CARMIL3: variants seen among roughly 807,000 people sequenced by gnomAD.
CARMIL3 encodes capping protein, Arp2/3 and myosin-I linker protein 3.
Under a neutral mutation model 180.8 loss-of-function variants are expected in CARMIL3, and 88 were observed. That is an observed-to-expected ratio of 0.49 (90% CI 0.41 to 0.58). The LOEUF is 0.58. CARMIL3 is among the 20% of genes least tolerant of loss of function. The pLI is 0.00. For synonymous variants in CARMIL3, 696 were observed against 714.5 expected (o/e 0.97, Z 0.41); for missense variants, 1,548 against 1,787.0 (o/e 0.87, Z 2.41).
chr14:24,053,879 G>A, intron 2 of CARMIL3, 76 bp downstream of exon 2: 1 of 1,336,282 alleles, frequency 7.5e-7, no homozygotes, highest in South Asian at 1.3e-5. Context: ...AGGGAGCCGG[G>A]AGGACAGAAG....
At chr14:24,068,326 G>A (rs1293285410) in intron 36 of CARMIL3, among the ~76,000 whole-genome samples, 2 of 151,824 alleles carry the variant, frequency 1.3e-5, no homozygotes, top group Non-Finnish European at 2.9e-5. Context: ...AAACCCGAGA[G>A]GTGGAGGTTG....
chr14:24,056,575 C>T (rs1214741445), intron 11 of CARMIL3, 47 bp from the exon 12 acceptor site: 1 of 1,597,246 alleles, frequency 6.3e-7, no homozygotes, highest in Non-Finnish European at 8.6e-7. Flanking sequence ...CCACCTGCAC[C>T]CACTGCCCTG....
Position 24,061,362 on chromosome 14 carries a change from A to G in CARMIL3, c.2305-135A>G. On this transcript the variant is annotated intron_variant, in intron 26 of 39. Transcript: ENST00000342740. This position sits in a 1 kb window ranked among gnomAD's most constrained non-coding sequence, Gnocchi z 4.1. ...AAGCCTTAGTGTCCAAGGCTCTGCC[A>G]CTAACAGTTTTGTGACTTAGGCAGG... The G allele has an allele frequency of 1.1e-6, 1 of 895,774 alleles. No homozygotes were observed. Among genetic ancestry groups the G allele is most frequent in the East Asian group, 2.7e-5 (1 of 37,642 alleles). The allele number at this position is 895,774 out of a possible 1,614,324, so 55.5% of individuals were successfully genotyped here.
In CARMIL3 at chr14:24,055,694, T is replaced by C. The variant is rs2035664957; in HGVS notation, c.682-7T>C. 1 of 1,613,912 alleles carries C rather than the reference T, an allele frequency of 6.2e-7. No individual in the cohort carries two copies. The highest frequency in any genetic ancestry group is 1.1e-5 in the South Asian group (1 of 91,080). Reference sequence around the variant, plus strand: ...CCCCTGATCACAAGACCCCCCTCTGTCCTCAGGGCTCTGAAGTGCTAGAAC... The same window carrying C: ...CCCCTGATCACAAGACCCCCCTCTGCCCTCAGGGCTCTGAAGTGCTAGAAC... On this transcript the variant is annotated splice_polypyrimidine_tract_variant and splice_region_variant and intron_variant, in intron 9 of 39. Coordinates refer to ENST00000342740, the MANE Select transcript of CARMIL3 (RefSeq NM_138360.4).
Position 24,065,448 on chromosome 14 carries a change from T to C in CARMIL3, c.3397-174T>C, listed in dbSNP as rs1337855152. 2.6e-5 allele frequency: 28 copies of C among 1,068,010 alleles called. No homozygotes were observed. The South Asian group carries it at 3.4e-4, about 13-fold the overall frequency. The allele number at this position is 1,068,010 out of a possible 1,614,324, so 66.2% of individuals were successfully genotyped here. A position where few individuals can be genotyped will look rare whatever the true frequency, so the allele number is the denominator to read the frequency against. ...GACTAAGACCCAGTGGCCAAGAGCATGCTGGGAGTGCTATATGCGAATGCA... is the reference window on the plus strand; with the variant it reads ...GACTAAGACCCAGTGGCCAAGAGCACGCTGGGAGTGCTATATGCGAATGCA... On this transcript the variant is annotated intron_variant, in intron 33 of 39. Transcript: ENST00000342740.
In CARMIL3 at chr14:24,065,207, A is replaced by AGAG. The variant is rs764435774; in HGVS notation, c.3337_3339dup (p.Glu1113dup). On this transcript the variant is annotated inframe_insertion, in exon 33 of 40. Coordinates refer to ENST00000342740, the MANE Select transcript of CARMIL3 (RefSeq NM_138360.4). ...ATAACTCCTCTCCCTGCTGGAGCCC[A>AGAG]GAGGAGGAGAGCAGCCTCCTCCCTG... 1 of 1,515,598 alleles carries AGAG rather than the reference A, an allele frequency of 6.6e-7. No homozygotes were observed. Among genetic ancestry groups the AGAG allele is most frequent in the South Asian group, 1.3e-5 (1 of 79,114 alleles). The allele number at this position is 1,515,598 out of a possible 1,614,324, so 93.9% of individuals were successfully genotyped here.
chr14:24,053,867 G>A, intron 2 of CARMIL3, 64 bp downstream of exon 2: 4 of 1,433,710 alleles, frequency 2.8e-6, no homozygotes, highest in Non-Finnish European at 3.8e-6. Context: ...CCAGTAGAGG[G>A]CAGGGAGCCG....
Position 24,054,391 on chromosome 14 carries a change from C to A in CARMIL3, c.247-5C>A. 1 of 1,613,520 alleles carries A rather than the reference C, an allele frequency of 6.2e-7. No homozygotes were observed. The highest frequency in any genetic ancestry group is 2.2e-5 in the East Asian group (1 of 44,868). On this transcript the variant is annotated splice_polypyrimidine_tract_variant and splice_region_variant and intron_variant, in intron 4 of 39. Transcript: ENST00000342740. The surrounding 1 kb of genome is among the most constrained non-coding windows in gnomAD (Gnocchi z 5.1). ...TCTGAGGCTCTGACGCTTCGTCTCCCCCAGATCCTGGTGGAGACGGAGCGT... is the reference window on the plus strand; with the variant it reads ...TCTGAGGCTCTGACGCTTCGTCTCCACCAGATCCTGGTGGAGACGGAGCGT...
chr14:24,059,491 A>C lies in CARMIL3; in HGVS notation c.1799+49A>C. 1 of 1,540,400 alleles carries C rather than the reference A, an allele frequency of 6.5e-7. No individual in the cohort carries two copies. Among genetic ancestry groups the C allele is most frequent in the Non-Finnish European group, 8.8e-7 (1 of 1,139,386 alleles). ...TGACCTGGAGCCCCAGCCCCTCCCC[A>C]TATGTACATAATCTCCCTGCTTTCC... On this transcript the variant is annotated intron_variant, in intron 21 of 39. Coordinates refer to ENST00000342740, the MANE Select transcript of CARMIL3 (RefSeq NM_138360.4). This position sits in a 1 kb window ranked among gnomAD's most constrained non-coding sequence, Gnocchi z 6.3.
rs8013151 is a variant in CARMIL3 at position 24,055,224 on chromosome 14, C to A, written c.532-13C>A. 2,137 of 1,613,992 alleles carry A rather than the reference C, an allele frequency of 1.3e-3. 29 individuals are homozygous for A. The African/African-American group carries it at 0.025, about 19-fold the overall frequency. On this transcript the variant is annotated splice_polypyrimidine_tract_variant and intron_variant, in intron 7 of 39. Transcript: ENST00000342740. ...AGTGGGGAGCAGGTGTGAGCCAGTT[C>A]CACCTCTCCAAGGATGTGGACACCA...
In CARMIL3 at chr14:24,066,656, G is replaced by A; in HGVS notation, c.3682G>A (p.Ala1228Thr). The A allele has an allele frequency of 6.2e-7, 1 of 1,613,714 alleles. No homozygotes were observed. Among genetic ancestry groups the A allele is most frequent in the Non-Finnish European group, 8.5e-7 (1 of 1,179,670 alleles). Residue 1228 changes from alanine (A) to threonine (T), a missense_variant and splice_region_variant, in exon 36 of 40, where the codon GCT becomes ACT. Coordinates refer to ENST00000342740, the MANE Select transcript of CARMIL3 (RefSeq NM_138360.4). ...MRRAEATWHI[A>T]EESAPNHSCQ... ...CAGAGCAGAGGCCACATGGCACATA[G>A]GTATGGAAAGCCTCTTTTCAGGCAG...
rs749036363 is a variant in CARMIL3 at position 24,058,060 on chromosome 14, C to G, written c.1318C>G (p.Leu440Val). 1.2e-6 allele frequency: 2 copies of G among 1,613,852 alleles called. No homozygotes were observed. The highest frequency in any genetic ancestry group is 3.3e-5 in the Admixed American group (2 of 60,036). The change falls in exon 16 of 40, where the codon CTC becomes GTC. Residue 440 changes from leucine to valine, a missense_variant. Coordinates refer to ENST00000342740, the MANE Select transcript of CARMIL3 (RefSeq NM_138360.4). This position sits in a 1 kb window ranked among gnomAD's most constrained non-coding sequence, Gnocchi z 6.4. ...GGCCACAAAGCTGCCCCTGGAGGCC[C>G]TCAGGTCGGGTGGGTGCAGGGTTGG... is the stretch of plus-strand genomic sequence containing the variant. ...LSATKLPLEA[L>V]RALLQGLSLN...
intron 25 of CARMIL3, 31 bp downstream of exon 25, chr14:24,060,787 A>G: frequency 6.2e-7 from 1 of 1,606,414 alleles, no homozygotes; most frequent in Non-Finnish European, 8.5e-7. Flanking sequence ...CCTTCCCCTG[A>G]AGTCTGGAGA....
At chr14:24,068,312 G>A (rs930677566) in intron 36 of CARMIL3, among the ~76,000 whole-genome samples, 3 of 150,974 alleles carry the variant, frequency 2.0e-5, no homozygotes, top group Non-Finnish European at 4.4e-5. Context: ...CAGGAGAATC[G>A]CTCAAACCCG....
intron 32 of CARMIL3, among the ~76,000 whole-genome samples, chr14:24,064,652 C>CT (rs2035766872): frequency 1.6e-5 from 2 of 122,286 alleles, no homozygotes; most frequent in African/African-American, 2.5e-5. Context: ...GGTGAGAGGC[C>CT]CGGGGGGTAG....
At position 24,058,754 on chromosome 14, in the gene CARMIL3, A is replaced by C. The variant is rs1025414388; in HGVS notation, c.1467A>C (p.Ser489=). 1 of 1,614,096 alleles carries C rather than the reference A, an allele frequency of 6.2e-7. No individual in the cohort carries two copies. Among genetic ancestry groups the C allele is most frequent in the Admixed American group, 1.7e-5 (1 of 60,030 alleles). Residue 489 remains serine (S), a synonymous_variant, in exon 18 of 40, where the codon TCA becomes TCC. Coordinates refer to ENST00000342740, the MANE Select transcript of CARMIL3 (RefSeq NM_138360.4). The surrounding 1 kb of genome is among the most constrained non-coding windows in gnomAD (Gnocchi z 6.4). ...AVTCVGSLDL[S]DNGFDSDLLT... is the part of the protein sequence containing the mutation. ...CCTGTGTAGGCAGCCTGGATCTGTCAGACAATGGTGAGTAGTGGTTCCTCC... is the reference window on the plus strand; with the variant it reads ...CCTGTGTAGGCAGCCTGGATCTGTCCGACAATGGTGAGTAGTGGTTCCTCC...
Position 24,068,692 on chromosome 14 carries a change from G to T in CARMIL3, c.3791G>T (p.Arg1264Met). The T allele has an allele frequency of 6.2e-7, 1 of 1,613,578 alleles. No individual in the cohort carries two copies. The highest frequency in any genetic ancestry group is 8.5e-7 in the Non-Finnish European group (1 of 1,179,722). ...TTCCCAGAGAGGACACTTCCAGCTAGGAATGCCAAGGTGAGAGCTGGCAAG... is the reference window on the plus strand; with the variant it reads ...TTCCCAGAGAGGACACTTCCAGCTATGAATGCCAAGGTGAGAGCTGGCAAG... ...TLFPERTLPA[R>M]NAKLQDPALA... Residue 1264 changes from arginine (R) to methionine (M), a missense_variant, in exon 37 of 40, where the codon AGG becomes ATG. Physicochemically the swap from Arg to Met is moderately conservative, Grantham distance 91 (BLOSUM62 -1). Coordinates refer to ENST00000342740, the MANE Select transcript of CARMIL3 (RefSeq NM_138360.4).
chr14:24,064,869 G>A, intron 32 of CARMIL3, 89 bp from the exon 33 acceptor site: 2 of 1,345,268 alleles, frequency 1.5e-6, no homozygotes, highest in Non-Finnish European at 2.1e-6. Flanking sequence ...TGCAGCAGGG[G>A]AGACCAGATG....
Position 24,059,614 on chromosome 14 carries a change from G to GT in CARMIL3, c.1800-49dup, listed in dbSNP as rs765986664. On this transcript the variant is annotated intron_variant, in intron 21 of 39. Transcript: ENST00000342740. The surrounding 1 kb of genome is among the most constrained non-coding windows in gnomAD (Gnocchi z 6.3). ...AAGAGGTTTGTGTCCCTGGCCCCTAGTAGGGACCCAGGAGGAGAGGTGCCA... is the reference window on the plus strand; with the variant it reads ...AAGAGGTTTGTGTCCCTGGCCCCTAGTTAGGGACCCAGGAGGAGAGGTGCCA... The GT allele has an allele frequency of 6.3e-7, 1 of 1,598,482 alleles. No individual in the cohort carries two copies. Among genetic ancestry groups the GT allele is most frequent in the South Asian group, 1.1e-5 (1 of 90,120 alleles).
Sources: gnomAD v4.1 joint callset for allele counts (sites outside exome capture counted in the v4.1 genomes callset) on GRCh38, gnomAD v4.1.1 for gene constraint, Gnocchi (gnomAD v3.1) non-coding constraint, MANE v1.5 for transcripts, NCBI Gene and HGNC (gene_info 2026-07-23, HGNC 2026-07-21) for gene names.